Variants in BACH2 observed in about 807,000 individuals in gnomAD.
BACH2 encodes transcription regulator protein BACH2.
BACH2 carries 5 observed loss-of-function variants against 61.8 expected under a neutral mutation model. That is an observed-to-expected ratio of 0.08 (90% CI 0.04 to 0.17). The LOEUF (loss-of-function observed/expected upper bound fraction) is 0.17. Among genes scored for constraint, BACH2 ranks in the 10% least tolerant of loss-of-function variants. The probability of loss-of-function intolerance (pLI) is 1.00; values close to 1 mark genes in which losing one functional copy is unlikely to be tolerated. For synonymous variants in BACH2, 446 were observed against 440.1 expected, an observed-to-expected ratio of 1.01 and a Z score of -0.17; for missense variants, 824 against 1,091.1, an observed-to-expected ratio of 0.76 and a Z score of 3.45.
chr6:90,296,172 T>C (rs1477942232), intron 1 of BACH2, among the ~76,000 whole-genome samples: 1 of 152,104 alleles, frequency 6.6e-6, no homozygotes, highest in African/African-American at 2.4e-5. Flanking sequence ...CTCCCTCTGC[T>C]GTTCCAAAAC....
At chr6:90,010,816 A>C (rs1448393787) in intron 5 of BACH2, among the ~76,000 whole-genome samples, 1 of 151,988 alleles carries the variant, frequency 6.6e-6, no homozygotes, top group Non-Finnish European at 1.5e-5. Context: ...TTTGGGTTTA[A>C]TTTGCTTTCT....
In BACH2 at chr6:89,951,517, TGGC is replaced by T. The variant is rs1432602248; in HGVS notation, c.586_588del (p.Ala196del). On this transcript the variant is annotated inframe_deletion, in exon 7 of 9. Transcript: ENST00000257749. The surrounding 1 kb of genome is among the most constrained non-coding windows in gnomAD (Gnocchi z 6.4). ...GCTTCTTCCTTCTCTGCTACGGGGA[TGGC>T]GGCGGCCTCAAAGCTGATGGGCTCT... The T allele has an allele frequency of 6.2e-7, 1 of 1,614,240 alleles. No individual in the cohort carries two copies. The highest frequency in any genetic ancestry group is 2.2e-5 in the East Asian group (1 of 44,884).
intron 3 of BACH2, among the ~76,000 whole-genome samples, chr6:90,214,021 G>A (rs902347425): frequency 4.6e-5 from 7 of 152,204 alleles, no homozygotes; most frequent in Non-Finnish European, 7.4e-5. Context: ...CACTATTTGG[G>A]TACTACTGGT....
intron 5 of BACH2, among the ~76,000 whole-genome samples, chr6:90,019,454 A>G (rs1778260096): frequency 6.6e-6 from 1 of 152,222 alleles, no homozygotes; most frequent in Admixed American, 6.5e-5. Context: ...GTGGATCTGG[A>G]CAAACTGCCT....
At chr6:90,094,079 C>T (rs1413060989) in intron 4 of BACH2, among the ~76,000 whole-genome samples, 2 of 152,098 alleles carry the variant, frequency 1.3e-5, no homozygotes, top group East Asian at 3.9e-4. Context: ...CTTAACCTTA[C>T]TTAAAAAGAA....
chr6:90,055,308 G>A lies in BACH2; in HGVS notation c.-13+33653C>T, dbSNP rs182394410. On this transcript the variant is annotated intron_variant, in intron 5 of 8. Transcript: ENST00000257749. ...CCGATGGAGCTGAAAACCAAGGCAC[G>A]AGAGCTACATGTCGAATGCAGAAGC... Among the ~76,000 whole-genome samples, 11 of 152,268 alleles carry A rather than the reference G, an allele frequency of 7.2e-5. No homozygotes were observed. The South Asian group carries it at 1.5e-3, about 20-fold the overall frequency.
chr6:90,053,897 AG>A (rs1396808417), intron 5 of BACH2, among the ~76,000 whole-genome samples: 1 of 152,186 alleles, frequency 6.6e-6, no homozygotes, highest in African/African-American at 2.4e-5. Flanking sequence ...AAAGTTGTGA[AG>A]GCCTTTTTAT....
chr6:89,969,035 T>C (rs1775209150), intron 6 of BACH2, among the ~76,000 whole-genome samples: 1 of 150,378 alleles, frequency 6.6e-6, no homozygotes, highest in African/African-American at 2.4e-5. Context: ...AAAGAATGTG[T>C]CTTAAAAATG....
chr6:90,161,694 A>G (rs974296147), intron 4 of BACH2, among the ~76,000 whole-genome samples: 5 of 151,954 alleles, frequency 3.3e-5, no homozygotes, highest in African/African-American at 1.2e-4. Flanking sequence ...TATTCTGGGG[A>G]AAAAAAATAT....
At chr6:90,158,765 T>TGC (rs1554253660) in intron 4 of BACH2, among the ~76,000 whole-genome samples, 2 of 137,170 alleles carry the variant, frequency 1.5e-5, no homozygotes, top group African/African-American at 5.6e-5. Context: ...CTTCTTTTGG[T>TGC]GGGGGGGGGG....
intron 5 of BACH2, among the ~76,000 whole-genome samples, chr6:90,029,862 G>A (rs12215222): frequency 0.08 from 12,236 of 152,138 alleles, 630 homozygotes; most frequent in Admixed American, 0.16. Context: ...CAATGCGACC[G>A]TTAGAGAAAA....
chr6:90,066,247 G>T (rs1039694929), intron 5 of BACH2, among the ~76,000 whole-genome samples: 3 of 152,160 alleles, frequency 2.0e-5, no homozygotes. Context: ...CATGATCAAA[G>T]AACACTGCAC....
intron 4 of BACH2, among the ~76,000 whole-genome samples, chr6:90,183,751 T>C (rs1328391136): frequency 1.3e-5 from 2 of 152,206 alleles, no homozygotes; most frequent in African/African-American, 4.8e-5. Flanking sequence ...GATGTTTGAC[T>C]GGGTTCTGTT....
At chr6:90,186,786 G>C (rs926512651) in intron 4 of BACH2, among the ~76,000 whole-genome samples, 7 of 152,110 alleles carry the variant, frequency 4.6e-5, no homozygotes, top group Non-Finnish European at 7.4e-5. Flanking sequence ...AGCTCTGGAA[G>C]GTAAGCATTT....
At chr6:90,134,107 A>G (rs1784193564) in intron 4 of BACH2, among the ~76,000 whole-genome samples, 1 of 152,192 alleles carries the variant, frequency 6.6e-6, no homozygotes, top group Non-Finnish European at 1.5e-5. Flanking sequence ...TCCCTGAGGA[A>G]TCGCCACACT....
At chr6:90,288,690 T>C (rs551330159) in intron 1 of BACH2, among the ~76,000 whole-genome samples, 6 of 152,306 alleles carry the variant, frequency 3.9e-5, no homozygotes, top group Admixed American at 2.6e-4. Flanking sequence ...CTTCCTGAAA[T>C]TGACCAGAAT....
rs79079563 is a variant in BACH2 at position 89,942,589 on chromosome 6, T to C, written c.1837-4239A>G. ...GCCAATGTGATGAGGTGAAGAGTCC[T>C]GTGGACTGTCGCCATCCCCACTAGT... On this transcript the variant is annotated intron_variant, in intron 7 of 8. Coordinates refer to ENST00000257749, the MANE Select transcript of BACH2 (RefSeq NM_021813.4). Among the ~76,000 whole-genome samples, 681 of 152,302 alleles carry C rather than the reference T, an allele frequency of 4.5e-3. 4 individuals are homozygous for C. Among genetic ancestry groups the C allele is most frequent in the African/African-American group, 0.015 (643 of 41,570 alleles).
At chr6:89,962,150 T>C (rs1320915794) in intron 6 of BACH2, among the ~76,000 whole-genome samples, 1 of 152,276 alleles carries the variant, frequency 6.6e-6, no homozygotes, top group African/African-American at 2.4e-5. Flanking sequence ...CCCTGAAAGA[T>C]TTTGACCATA....
At chr6:90,255,545 C>A (rs1770949401) in intron 2 of BACH2, among the ~76,000 whole-genome samples, 1 of 151,950 alleles carries the variant, frequency 6.6e-6, no homozygotes, top group Non-Finnish European at 1.5e-5. Flanking sequence ...ACAGGTTGTC[C>A]AGGATTTGGA....
Sources: gnomAD v4.1 joint callset for allele counts (sites outside exome capture counted in the v4.1 genomes callset) on GRCh38, gnomAD v4.1.1 for gene constraint, Gnocchi (gnomAD v3.1) non-coding constraint, MANE v1.5 for transcripts, NCBI Gene and HGNC (gene_info 2026-07-23, HGNC 2026-07-21) for gene names.